CLCNKB: variants seen among roughly 807,000 people sequenced by gnomAD.
The protein encoded by CLCNKB is chloride channel protein ClC-Kb.
Under a neutral mutation model 83.8 loss-of-function variants are expected in CLCNKB, and 74 were observed. The observed-to-expected ratio is 0.88, with a 90% CI of 0.73 to 1.07. The LOEUF (loss-of-function observed/expected upper bound fraction) is 1.07. Among genes scored for constraint, CLCNKB ranks in the 50% least tolerant of loss-of-function variants. The probability of loss-of-function intolerance (pLI) is 0.00; values close to 1 mark genes in which losing one functional copy is unlikely to be tolerated. For missense variants in CLCNKB, 798 were observed against 893.6 expected (o/e 0.89, Z 1.36); for synonymous variants, 358 against 356.6 (o/e 1.00, Z -0.04).
At position 16,050,609 on chromosome 1, in the gene CLCNKB, C is replaced by G; in HGVS notation, c.1053+9C>G. The G allele has an allele frequency of 6.2e-7, 1 of 1,613,626 alleles. No individual in the cohort carries two copies. Among genetic ancestry groups the G allele is most frequent in the Admixed American group, 1.7e-5 (1 of 60,010 alleles). ...GCTTCCTAGCTTCTCGGGTAAGGGG[C>G]CTTGAGTGGGGTGGCAGGAGTGGGG... On this transcript the variant is annotated intron_variant, in intron 11 of 19. Coordinates refer to ENST00000375679, the MANE Select transcript of CLCNKB (RefSeq NM_000085.5).
rs750053554 is a variant in CLCNKB, at chr1:16,056,374, G to A, written c.1930-48G>A. On this transcript the variant is annotated intron_variant, in intron 18 of 19. Transcript: ENST00000375679. ...GCGTGGTGGAGTGGGCTAGAGGGTG[G>A]GCTGGGCACCTTCTACCCTCCAGTG... is the stretch of plus-strand genomic sequence containing the variant. 8.2e-6 allele frequency: 13 copies of A among 1,583,782 alleles called. No homozygotes were observed. The South Asian group carries it at 1.1e-4, about 13-fold the overall frequency.
At chr1:16,056,557 A>C (rs748302697) in intron 19 of CLCNKB, 49 bp downstream of exon 19, 1 of 682,784 alleles carries the variant, frequency 1.5e-6, no homozygotes, top group South Asian at 1.4e-5. Flanking sequence ...ATGCCTGAGA[A>C]GACTGGGGAG....
At chr1:16,049,083 G>A in intron 7 of CLCNKB, 37 bp from the exon 8 acceptor site, 2 of 1,613,450 alleles carry the variant, frequency 1.2e-6, no homozygotes, top group Middle Eastern at 3.5e-4. Flanking sequence ...AGGTGGGTGG[G>A]GGTGGAGGGC....
chr1:16,053,887 G>C, intron 16 of CLCNKB, 115 bp downstream of exon 16: 1 of 1,390,706 alleles, frequency 7.2e-7, no homozygotes, highest in Non-Finnish European at 1.0e-6. Context: ...GCAACCAACC[G>C]TGTGACCTTG....
chr1:16,051,049 G>A lies in CLCNKB; in HGVS notation c.1227+1G>A, dbSNP rs769053704. ...CCTTGCCTTCTTCCTGGTTATGAAG[G>A]TGGGCCCCCTGGTCCCCAGGTGTGC... is the stretch of plus-strand genomic sequence containing the variant. On this transcript the variant is annotated splice_donor_variant, in intron 12 of 19. Transcript: ENST00000375679. LOFTEE classifies it high-confidence loss of function. The A allele has an allele frequency of 6.8e-6, 11 of 1,614,006 alleles. No homozygotes were observed. Among genetic ancestry groups the A allele is most frequent in the Non-Finnish European group, 8.5e-6 (10 of 1,180,000 alleles).
At chr1:16,055,360 A>C in intron 16 of CLCNKB, 75 bp from the exon 17 acceptor site, 1 of 1,168,346 alleles carries the variant, frequency 8.6e-7, no homozygotes, top group East Asian at 2.4e-5. Flanking sequence ...GTTCTTGGCT[A>C]AGTAGGTGCT....
chr1:16,044,464 C>T lies in CLCNKB; in HGVS notation c.-7-22C>T, dbSNP rs757638010. 46 of 1,577,614 alleles carry T rather than the reference C, an allele frequency of 2.9e-5. No individual in the cohort carries two copies. The South Asian group carries it at 3.3e-4, about 11-fold the overall frequency. On this transcript the variant is annotated intron_variant, in intron 1 of 19. Coordinates refer to ENST00000375679, the MANE Select transcript of CLCNKB (RefSeq NM_000085.5). ...GACGTGCAGCAGCTCACCGCGGTCC[C>T]TCCCTCTATCCGCTTCTCCAGGGGC...
At position 16,050,852 on chromosome 1, in the gene CLCNKB, A is replaced by G. The variant is rs760033582; in HGVS notation, c.1054-23A>G. On this transcript the variant is annotated intron_variant, in intron 11 of 19. Transcript: ENST00000375679. ...CTGCCGCTGGGGGCCCCTCATGTCC[A>G]GTTCCCACCTGCCCCGCCACAGCTG... 1.4e-5 allele frequency: 23 copies of G among 1,610,828 alleles called. 1 individual carries two copies. The Admixed American group carries it at 3.5e-4, about 25-fold the overall frequency.
intron 16 of CLCNKB, among the ~76,000 whole-genome samples, chr1:16,054,647 T>C (rs1043888202): frequency 6.6e-6 from 1 of 152,182 alleles, no homozygotes; most frequent in Admixed American, 6.5e-5. Context: ...CTGTGGAATA[T>C]GCCAAATATC....
intron 10 of CLCNKB, 52 bp from the exon 11 acceptor site, chr1:16,050,463 CT>C: frequency 6.3e-7 from 1 of 1,585,778 alleles, no homozygotes; most frequent in Admixed American, 1.7e-5. Context: ...CTTCCCTCTC[CT>C]TGGGATGTGG....
chr1:16,049,263 C>A lies in CLCNKB; in HGVS notation c.781+18C>A, dbSNP rs2023204801. Reference sequence around the variant, plus strand: ...CGAGCAGGGTGAGCCCCCTGGGCTGCCTGACCCTGGCCCTGCCTGGGGGCC... The same window carrying A: ...CGAGCAGGGTGAGCCCCCTGGGCTGACTGACCCTGGCCCTGCCTGGGGGCC... On this transcript the variant is annotated intron_variant, in intron 8 of 19. Transcript: ENST00000375679. The A allele has an allele frequency of 1.2e-6, 2 of 1,612,802 alleles. No individual in the cohort carries two copies. Among genetic ancestry groups the A allele is most frequent in the Admixed American group, 3.3e-5 (2 of 59,882 alleles).
intron 7 of CLCNKB, 34 bp from the exon 8 acceptor site, chr1:16,049,078 GGTGGGGGT>G (rs773745031): frequency 2.4e-5 from 38 of 1,613,530 alleles, no homozygotes; most frequent in Non-Finnish European, 3.2e-5. Flanking sequence ...GTCACAGGTG[GGTGGGGGT>G]GGAGGGCCCA....
At chr1:16,056,833 A>T in intron 19 of CLCNKB, 36 bp from the exon 20 acceptor site, 1 of 713,282 alleles carries the variant, frequency 1.4e-6, no homozygotes, top group Admixed American at 3.2e-5. Flanking sequence ...CCTCCTCTAC[A>T]TCCCCCCGCA....
chr1:16,044,383 A>ATGC, intron 1 of CLCNKB, 103 bp from the exon 2 acceptor site: 1 of 851,892 alleles, frequency 1.2e-6, no homozygotes, highest in Non-Finnish European at 1.9e-6. Context: ...ACACACGCAC[A>ATGC]ATCTTTCCTC....
rs952427220 is a variant in CLCNKB at position 16,043,938 on chromosome 1, G to T, written c.-8+58G>T. On this transcript the variant is annotated intron_variant, in intron 1 of 19. Coordinates refer to ENST00000375679, the MANE Select transcript of CLCNKB (RefSeq NM_000085.5). The stretch of plus-strand genomic sequence containing the variant: ...CAGGGCCAGACAGGCAGGGCGGGGG[G>T]GGGGGGGTGGTAAGGGCAGGAGCCA... The T allele has an allele frequency of 6.8e-3, 407 of 59,792 alleles. 2 individuals are homozygous for T. Among genetic ancestry groups the T allele is most frequent in the South Asian group, 0.036 (59 of 1,632 alleles). The allele number at this position is 59,792 out of a possible 1,614,324, so 3.7% of individuals were successfully genotyped here.
At position 16,049,616 on chromosome 1, in the gene CLCNKB, A is replaced by G. The variant is rs779908241; in HGVS notation, c.782-2A>G. 1.1e-5 allele frequency: 17 copies of G among 1,600,332 alleles called. No homozygotes were observed. The highest frequency in any genetic ancestry group is 1.5e-5 in the Non-Finnish European group (17 of 1,171,212). ...TGGCTCCCCACTGCCCTCCTTCCCC[A>G]GAGACCATCACCTCCCTCTACAAGA... is the stretch of plus-strand genomic sequence containing the variant. On this transcript the variant is annotated splice_acceptor_variant, in intron 8 of 19. Coordinates refer to ENST00000375679, the MANE Select transcript of CLCNKB (RefSeq NM_000085.5). LOFTEE classifies it high-confidence loss of function.
chr1:16,052,747 C>T (rs2023334955), intron 15 of CLCNKB, among the ~76,000 whole-genome samples: 2 of 152,142 alleles, frequency 1.3e-5, no homozygotes, highest in South Asian at 2.1e-4. Flanking sequence ...CGAGAGGTCT[C>T]CTCCCCTCTC....
At chr1:16,055,136 C>G (rs1200686483) in intron 16 of CLCNKB, among the ~76,000 whole-genome samples, 1 of 152,168 alleles carries the variant, frequency 6.6e-6, no homozygotes, top group Non-Finnish European at 1.5e-5. Flanking sequence ...GCGTCCCTAG[C>G]TTGCTCCTGT....
In CLCNKB at chr1:16,047,988, G is replaced by T; in HGVS notation, c.442G>T (p.Val148Leu). The T allele has an allele frequency of 6.2e-7, 1 of 1,614,164 alleles. No individual in the cohort carries two copies. Among genetic ancestry groups the T allele is most frequent in the African/African-American group, 1.3e-5 (1 of 75,028 alleles). ...YLDIKNFGAK[V>L]VGLSCTLACG... ...GGATATCAAGAACTTTGGGGCCAAA[G>T]TGGTGGGCCTCTCCTGCACCCTGGC... is the stretch of plus-strand genomic sequence containing the variant. Residue 148 changes from valine (V) to leucine (L), a missense_variant, in exon 5 of 20, where the codon GTG (valine) becomes TTG (leucine). Physicochemically the swap from Val to Leu is conservative, Grantham distance 32. Coordinates refer to ENST00000375679, the MANE Select transcript of CLCNKB (RefSeq NM_000085.5).
Sources: gnomAD v4.1 joint callset for allele counts (sites outside exome capture counted in the v4.1 genomes callset) on GRCh38, gnomAD v4.1.1 for gene constraint, MANE v1.5 for transcripts, NCBI Gene and HGNC (gene_info 2026-07-23, HGNC 2026-07-21) for gene names.